Variants in ABCD3 observed in about 807,000 individuals in gnomAD.
The protein encoded by ABCD3 is ATP-binding cassette sub-family D member 3.
In ABCD3, 41 loss-of-function variants were observed where a neutral mutation model predicts 105.5. That is an observed-to-expected ratio of 0.39 (90% confidence interval 0.30 to 0.50). The LOEUF (loss-of-function observed/expected upper bound fraction) is 0.50. Among genes scored for constraint, ABCD3 ranks in the 20% least tolerant of loss-of-function variants. The probability of loss-of-function intolerance (pLI) is 0.84; values close to 1 mark genes in which losing one functional copy is unlikely to be tolerated. For synonymous variants in ABCD3, 258 were observed against 269.0 expected (o/e 0.96, Z 0.40); for missense variants, 622 against 806.3 (o/e 0.77, Z 2.77).
intron 21 of ABCD3, among the ~76,000 whole-genome samples, chr1:94,511,190 G>T (rs1046016637): frequency 3.3e-5 from 5 of 152,018 alleles, no homozygotes; most frequent in African/African-American, 1.2e-4. Context: ...AGGCCCGGTG[G>T]TGACAAAATC....
chr1:94,485,657 T>C (rs371577961), intron 10 of ABCD3, among the ~76,000 whole-genome samples: 72 of 152,316 alleles, frequency 4.7e-4, no homozygotes, highest in African/African-American at 1.7e-3. Context: ...CAGTTACTTC[T>C]TGTTTTAATC....
At chr1:94,468,742 A>G (rs1432879064) in intron 4 of ABCD3, among the ~76,000 whole-genome samples, 3 of 152,208 alleles carry the variant, frequency 2.0e-5, no homozygotes, top group Admixed American at 2.0e-4. Flanking sequence ...CAGTACTTAA[A>G]ATTGTTAAAT....
intron 16 of ABCD3, 142 bp downstream of exon 16, chr1:94,491,389 A>ACGCCTGTAATCCCAGC: frequency 1.5e-6 from 1 of 678,066 alleles, no homozygotes; most frequent in South Asian, 1.9e-5. Flanking sequence ...AAGTCTTTGA[A>ACGCCTGTAATCCCAGC]ACGCTTAGAA....
Position 94,475,675 on chromosome 1 carries a change from C to T in ABCD3, c.565C>T (p.Leu189Phe), listed in dbSNP as rs370756939. Residue 189 changes from leucine to phenylalanine, a missense_variant, in exon 7 of 23, where the codon CTT becomes TTT. Around this residue, in one of 4 missense-constraint regions of ABCD3, gnomAD observed 245 missense variants for 356.4 expected, o/e 0.69. Transcript: ENST00000370214. The part of the protein sequence containing the change: ...DNRIANPDQL[L>F]TQDVEKFCNS... ...CAGAATAGCTAATCCAGACCAGCTG[C>T]TTACACAAGATGTAGAAAAATTTTG... 5 of 1,611,328 alleles carry T rather than the reference C, an allele frequency of 3.1e-6. No homozygotes were observed. The highest frequency in any genetic ancestry group is 1.3e-5 in the African/African-American group (1 of 74,952).
intron 1 of ABCD3, among the ~76,000 whole-genome samples, chr1:94,452,104 C>G (rs1333284431): frequency 6.6e-6 from 1 of 152,106 alleles, no homozygotes; most frequent in African/African-American, 2.4e-5. Context: ...ACAGGGTCAC[C>G]ATGTAATTTA....
At chr1:94,413,455 G>C (rs2100854000), upstream of ABCD3, among the ~76,000 whole-genome samples, 1 of 152,216 alleles carries the variant, frequency 6.6e-6, no homozygotes, top group African/African-American at 2.4e-5. Context: ...ATTCCTCTTT[G>C]GGACCCTGAT....
intron 13 of ABCD3, 106 bp downstream of exon 13, chr1:94,488,089 C>A: frequency 3.2e-6 from 3 of 941,434 alleles, no homozygotes; most frequent in Non-Finnish European, 4.9e-6. Context: ...CATTTCCTAG[C>A]CCAGGAAGGT....
intron 9 of ABCD3, chr1:94,482,850 C>T: frequency 3.2e-6 from 1 of 313,996 alleles, no homozygotes; most frequent in Non-Finnish European, 6.1e-6. Context: ...CCAGCCCTGC[C>T]TTTCTGTACA....
the ABCD3 span, among the ~76,000 whole-genome samples, chr1:94,390,543 T>C: frequency 6.6e-6 from 1 of 152,106 alleles, no homozygotes; most frequent in Non-Finnish European, 1.5e-5. Flanking sequence ...CCTAGGGTGA[T>C]CCACCCACCC....
intron 3 of ABCD3, among the ~76,000 whole-genome samples, chr1:94,465,386 A>C (rs1648088579): frequency 6.6e-6 from 1 of 152,208 alleles, no homozygotes; most frequent in African/African-American, 2.4e-5. Context: ...TCTGTAGGTC[A>C]AGAAGATTAC....
chr1:94,387,682 G>A, the ABCD3 span, among the ~76,000 whole-genome samples: 1 of 152,174 alleles, frequency 6.6e-6, no homozygotes, highest in Non-Finnish European at 1.5e-5. Context: ...GAGGAAAATA[G>A]CAACTTTTAT....
chr1:94,445,258 G>A (rs1456888665), intron 1 of ABCD3, among the ~76,000 whole-genome samples: 6 of 152,224 alleles, frequency 3.9e-5, no homozygotes, highest in Non-Finnish European at 7.4e-5. Flanking sequence ...TTCCTCTAGC[G>A]CCACTGGGTT....
chr1:94,438,661 C>T (rs1660017866), intron 1 of ABCD3, among the ~76,000 whole-genome samples: 1 of 152,182 alleles, frequency 6.6e-6, no homozygotes, highest in Non-Finnish European at 1.5e-5. Context: ...CCCCAGCCTT[C>T]AGCAACCACT....
chr1:94,412,713 ATATT>A, the ABCD3 span, among the ~76,000 whole-genome samples: 1 of 152,194 alleles, frequency 6.6e-6, no homozygotes, highest in African/African-American at 2.4e-5. Context: ...TCTGGAGTTC[ATATT>A]TATTTACCTG....
chr1:94,490,052 A>G, intron 15 of ABCD3, 77 bp downstream of exon 15: 1 of 1,328,200 alleles, frequency 7.5e-7, no homozygotes, highest in Non-Finnish European at 1.1e-6. Flanking sequence ...TCAGCTTACA[A>G]TTGCTTAGTG....
intron 1 of ABCD3, among the ~76,000 whole-genome samples, chr1:94,453,574 TC>T (rs1647372476): frequency 6.6e-6 from 1 of 152,086 alleles, no homozygotes; most frequent in Admixed American, 6.5e-5. Context: ...CACCTCGGCC[TC>T]CCAAAGTGCT....
At chr1:94,393,676 C>T in the ABCD3 span, among the ~76,000 whole-genome samples, 5 of 151,744 alleles carry the variant, frequency 3.3e-5, no homozygotes, top group South Asian at 4.2e-4. Context: ...AAGAAGATTG[C>T]GACTGAAGAC....
chr1:94,456,168 G>A (rs1360041515), intron 1 of ABCD3, among the ~76,000 whole-genome samples: 1 of 146,934 alleles, frequency 6.8e-6, no homozygotes. Context: ...ATGTAAGTGA[G>A]ATTATGCAGA....
chr1:94,482,760 T>C (rs1649090122), intron 9 of ABCD3: 2 of 193,630 alleles, frequency 1.0e-5, no homozygotes, highest in Non-Finnish European at 2.2e-5. Flanking sequence ...GTCATCACTA[T>C]CCATCTTTTT....
Sources: allele counts gnomAD v4.1 joint callset (sites outside exome capture counted in the v4.1 genomes callset), GRCh38; gene constraint gnomAD v4.1.1; regional missense constraint gnomAD v4.1.1; transcripts MANE v1.5; gene names NCBI Gene and HGNC (gene_info 2026-07-23, HGNC 2026-07-21).